The following ZFHX4 variants were observed in gnomAD, a reference collection of about 807,000 sequenced individuals.
ZFHX4 encodes the protein zinc finger homeobox protein 4.
ZFHX4 carries 56 observed loss-of-function variants against 267.6 expected under a neutral mutation model. The ratio of observed to expected loss-of-function variants is 0.21; its 90% CI spans 0.17 to 0.26. ZFHX4 has a LOEUF of 0.26. Among genes scored for constraint, ZFHX4 ranks in the 10% least tolerant of loss-of-function variants. The pLI, the probability that ZFHX4 is intolerant of heterozygous loss-of-function variation, is 1.00. For synonymous variants in ZFHX4, 1,778 were observed against 1,665.6 expected, an observed-to-expected ratio of 1.07 and a Z score of -1.64; for missense variants, 4,332 against 4,420.0, an observed-to-expected ratio of 0.98 and a Z score of 0.56.
intron 3 of ZFHX4, among the ~76,000 whole-genome samples, chr8:76,721,817 CTCTT>C (rs1241807210): frequency 5.9e-5 from 9 of 152,124 alleles, no homozygotes; most frequent in African/African-American, 2.2e-4. Context: ...AGTCTTCTCT[CTCTT>C]TCACCACCAC....
At chr8:76,698,864 C>T (rs1337841822) in intron 1 of ZFHX4, among the ~76,000 whole-genome samples, 2 of 152,042 alleles carry the variant, frequency 1.3e-5, no homozygotes, top group African/African-American at 4.8e-5. Flanking sequence ...AAGTTTTTGC[C>T]GTGTCAGGAG....
Position 76,853,062 on chromosome 8 carries a change from A to ACCTCCTCCT in ZFHX4, c.6156_6164dup (p.Pro2059_Pro2061dup). The ACCTCCTCCT allele has an allele frequency of 6.9e-6, 3 of 437,684 alleles. 1 individual carries two copies. Among genetic ancestry groups the ACCTCCTCCT allele is most frequent in the Non-Finnish European group, 1.2e-5 (3 of 242,556 alleles). 27.1% of individuals were successfully genotyped at this position (437,684 alleles called of 1,614,324 possible). On this transcript the variant is annotated inframe_insertion, in exon 10 of 11. Transcript: ENST00000651372. ...CACCCACTCCTCCCCCACCACCACC[A>ACCTCCTCCT]CCTCCTCCTCCTCCTCCTCCTCCCC...
chr8:76,862,009 C>T (rs1231949121), intron 10 of ZFHX4, among the ~76,000 whole-genome samples: 1 of 152,068 alleles, frequency 6.6e-6, no homozygotes, highest in Non-Finnish European at 1.5e-5. Flanking sequence ...GTCAGCCAGC[C>T]ATTAGACTTC....
At chr8:76,834,841 TC>T (rs1332598125) in intron 5 of ZFHX4, among the ~76,000 whole-genome samples, 1 of 152,058 alleles carries the variant, frequency 6.6e-6, no homozygotes, top group Non-Finnish European at 1.5e-5. Context: ...ATCCAGATTT[TC>T]CCTTATGTTA....
intron 8 of ZFHX4, 116 bp downstream of exon 8, chr8:76,849,828 G>A (rs919914965): frequency 1.7e-6 from 2 of 1,146,508 alleles, no homozygotes; most frequent in African/African-American, 3.1e-5. Flanking sequence ...TTAAAGCTCT[G>A]TTATTGCTCG....
At position 76,842,706 on chromosome 8, in the gene ZFHX4, A is replaced by G; in HGVS notation, c.3446A>G (p.Glu1149Gly). 6.4e-7 allele frequency: 1 copy of G among 1,554,784 alleles called. No individual in the cohort carries two copies. The part of the protein sequence containing the change: ...EGAIKPTAVA[E>G]DDEKDTSERD... ...GCTATTAAGCCTACAGCAGTGGCCG[A>G]GGACGATGAAAAAGACACAAGTGAG... The change falls in exon 6 of 11, where the codon GAG becomes GGG. Residue 1149 changes from glutamate to glycine, a missense_variant. Glu to Gly is a moderately conservative substitution (Grantham distance 98). Coordinates refer to ENST00000651372, the MANE Select transcript of ZFHX4 (RefSeq NM_024721.5).
intron 3 of ZFHX4, among the ~76,000 whole-genome samples, chr8:76,749,325 C>T (rs1156971641): frequency 6.6e-6 from 1 of 152,132 alleles, no homozygotes; most frequent in Non-Finnish European, 1.5e-5. Flanking sequence ...ACTTATCTTC[C>T]CTCATCGACT....
rs1270772028 is a variant in ZFHX4 at position 76,851,918 on chromosome 8, A to G, written c.4997A>G (p.Asp1666Gly). Residue 1666 changes from aspartate to glycine, a missense_variant, in exon 10 of 11, where the codon GAT becomes GGT. Coordinates refer to ENST00000651372, the MANE Select transcript of ZFHX4 (RefSeq NM_024721.5). The part of the protein sequence containing the change: ...AAVNSKDTHL[D>G]AKELNKKQTP... The stretch of plus-strand genomic sequence containing the variant: ...GTAAACAGCAAAGATACCCATTTAG[A>G]TGCCAAAGAATTAAATAAAAAGCAA... 2.5e-6 allele frequency: 4 copies of G among 1,614,008 alleles called. No homozygotes were observed. In the South Asian group the frequency reaches 4.4e-5, roughly 18 times the overall value.
intron 3 of ZFHX4, among the ~76,000 whole-genome samples, chr8:76,710,096 T>C (rs926104884): frequency 1.3e-5 from 2 of 152,236 alleles, no homozygotes; most frequent in African/African-American, 2.4e-5. Context: ...TTTAGTTGTT[T>C]ATCTCTTAAA....
chr8:76,773,092 C>T (rs1403010995), intron 3 of ZFHX4, among the ~76,000 whole-genome samples: 1 of 152,148 alleles, frequency 6.6e-6, no homozygotes, highest in African/African-American at 2.4e-5. Context: ...CAATGTCTTG[C>T]CCAATACTTG....
intron 1 of ZFHX4, among the ~76,000 whole-genome samples, chr8:76,693,809 T>A (rs563223422): frequency 6.6e-6 from 1 of 152,274 alleles, no homozygotes; most frequent in Non-Finnish European, 1.5e-5. Context: ...TTAGGAATCA[T>A]TATGGCTTGC....
At chr8:76,856,855 A>T (rs775212000) in intron 10 of ZFHX4, among the ~76,000 whole-genome samples, 1 of 152,202 alleles carries the variant, frequency 6.6e-6, no homozygotes, top group Non-Finnish European at 1.5e-5. Context: ...TTGAAGTTCA[A>T]CAACTAAAAA....
chr8:76,716,590 G>A (rs998487368), intron 3 of ZFHX4, among the ~76,000 whole-genome samples: 1 of 152,036 alleles, frequency 6.6e-6, no homozygotes, highest in African/African-American at 2.4e-5. Flanking sequence ...CTATATTTGA[G>A]GATAGGAAGA....
At chr8:76,713,745 CTTTTT>C (rs1808492057) in intron 3 of ZFHX4, among the ~76,000 whole-genome samples, 1 of 152,106 alleles carries the variant, frequency 6.6e-6, no homozygotes, top group Non-Finnish European at 1.5e-5. Context: ...ACTTAGAAGT[CTTTTT>C]CAGCGTGCAT....
chr8:76,777,635 GAA>G (rs1170517709), intron 3 of ZFHX4, among the ~76,000 whole-genome samples: 3 of 152,144 alleles, frequency 2.0e-5, no homozygotes, highest in Non-Finnish European at 4.4e-5. Context: ...GGGCTCAGCT[GAA>G]ATAGTCCCAG....
chr8:76,791,354 C>A (rs1810831201), intron 4 of ZFHX4, among the ~76,000 whole-genome samples: 1 of 152,018 alleles, frequency 6.6e-6, no homozygotes, highest in Admixed American at 6.6e-5. Context: ...CAAAGAAAAC[C>A]ATTAATCTGA....
rs1304343317 is a variant in ZFHX4, at chr8:76,864,564, A to T, written c.10850A>T (p.Ter3617LeuextTer2). The part of the protein sequence containing the change: ...NSIRMDMFSV[*>L] ...ATCCGAATGGATATGTTCAGTGTGT[A>T]GGAGTGAAGACAGGATCCCGTGCTT... Residue 3617 changes from the stop codon to leucine, a stop_lost, in exon 11 of 11, where the codon TAG becomes TTG. Transcript: ENST00000651372. 1 of 1,539,134 alleles carries T rather than the reference A, an allele frequency of 6.5e-7. No homozygotes were observed. Among genetic ancestry groups the T allele is most frequent in the African/African-American group, 1.4e-5 (1 of 72,070 alleles).
Position 76,731,631 on chromosome 8 carries a change from AAAT to A in ZFHX4, c.3093+23587_3093+23589del, listed in dbSNP as rs547502261. Among the ~76,000 whole-genome samples, 37 of 152,258 alleles carry A rather than the reference AAAT, an allele frequency of 2.4e-4. 1 individual carries two copies. The South Asian group carries it at 5.8e-3, about 24-fold the overall frequency. On this transcript the variant is annotated intron_variant, in intron 3 of 10. Coordinates refer to ENST00000651372, the MANE Select transcript of ZFHX4 (RefSeq NM_024721.5). ...AAAAATTTTATTACAAATATAAATA[AAAT>A]AATCTCAAATTTTGAAATTAAATAA...
At chr8:76,699,496 G>T (rs1235229674) in intron 1 of ZFHX4, among the ~76,000 whole-genome samples, 1 of 152,086 alleles carries the variant, frequency 6.6e-6, no homozygotes, top group African/African-American at 2.4e-5. Context: ...TTAAGACTGA[G>T]ATCAAAGATG....
Sources: gnomAD v4.1 joint callset for allele counts (sites outside exome capture counted in the v4.1 genomes callset) on GRCh38, gnomAD v4.1.1 for gene constraint, MANE v1.5 for transcripts, NCBI Gene and HGNC (gene_info 2026-07-23, HGNC 2026-07-21) for gene names.